The following COL15A1 variants were observed in gnomAD, a reference collection of about 807,000 sequenced individuals.
The protein encoded by COL15A1 is collagen type XV alpha 1 chain.
Under a neutral mutation model 165.9 loss-of-function variants are expected in COL15A1, and 111 were observed. That is an observed-to-expected ratio of 0.67 (90% CI 0.57 to 0.78). The LOEUF (loss-of-function observed/expected upper bound fraction) is 0.78. COL15A1 is among the 30% of genes least tolerant of loss of function. The pLI is 0.00. For missense variants in COL15A1, 1,745 were observed against 1,789.7 expected (o/e 0.98, Z 0.45); for synonymous variants, 659 against 674.8 (o/e 0.98, Z 0.36).
intron 6 of COL15A1, among the ~76,000 whole-genome samples, chr9:98,999,984 C>T (rs1427659938): frequency 1.3e-5 from 2 of 151,986 alleles, no homozygotes; most frequent in African/African-American, 4.8e-5. Flanking sequence ...GATTCTCCTG[C>T]CTTGGCCTCC....
At chr9:99,004,875 G>C in intron 8 of COL15A1, 23 bp from the exon 9 acceptor site, 1 of 1,613,928 alleles carries the variant, frequency 6.2e-7, no homozygotes, top group Non-Finnish European at 8.5e-7. Context: ...CACTGACGCG[G>C]TTCCTGTTGA....
intron 35 of COL15A1, 76 bp from the exon 36 acceptor site, chr9:99,059,813 C>G: frequency 1.3e-6 from 2 of 1,535,450 alleles, no homozygotes; most frequent in Non-Finnish European, 1.8e-6. Context: ...ACACTTCTCT[C>G]CGGGAGTCAG....
chr9:98,963,589 G>C (rs1435894565), intron 2 of COL15A1, among the ~76,000 whole-genome samples: 2 of 152,218 alleles, frequency 1.3e-5, no homozygotes, highest in Admixed American at 1.3e-4. Flanking sequence ...TGACAGTAGT[G>C]TGTGGTTAGA....
At chr9:99,038,521 G>C in intron 21 of COL15A1, 147 bp from the exon 22 acceptor site, 1 of 571,514 alleles carries the variant, frequency 1.7e-6, no homozygotes, top group South Asian at 2.7e-5. Flanking sequence ...GGGGGAGGGA[G>C]AGCTGTGTTT....
chr9:98,968,786 T>C (rs1185684392), intron 2 of COL15A1, among the ~76,000 whole-genome samples: 3 of 152,064 alleles, frequency 2.0e-5, no homozygotes, highest in Non-Finnish European at 2.9e-5. Context: ...GCCTGGCCTA[T>C]AGCTTCCTGC....
intron 6 of COL15A1, among the ~76,000 whole-genome samples, chr9:98,998,973 G>A (rs183835765): frequency 1.3e-5 from 2 of 152,314 alleles, no homozygotes; most frequent in East Asian, 3.9e-4. Context: ...CCCGTGGAAG[G>A]GGCCACCCCA....
At chr9:98,976,273 G>A (rs539370637) in intron 2 of COL15A1, among the ~76,000 whole-genome samples, 38 of 152,310 alleles carry the variant, frequency 2.5e-4, no homozygotes, top group African/African-American at 8.4e-4. Context: ...GAATAAGACC[G>A]GTCAGATGCA....
chr9:98,991,303 AATTGGTCCACTTTACAGAGAGCTG>A (rs1171448994), intron 5 of COL15A1, among the ~76,000 whole-genome samples: 3 of 152,064 alleles, frequency 2.0e-5, no homozygotes, highest in African/African-American at 7.2e-5. Context: ...ACAGAGAGCT[AATTGGTCCACTTTACAGAGAGCTG>A]ATTGGTCCGT....
intron 5 of COL15A1, among the ~76,000 whole-genome samples, chr9:98,991,226 C>G (rs77302694): frequency 0.015 from 2,276 of 149,248 alleles, 136 homozygotes; most frequent in East Asian, 0.1. Flanking sequence ...TGCCGCTGCT[C>G]ACTCAGGCAG....
intron 24 of COL15A1, 28 bp downstream of exon 24, chr9:99,042,135 G>C (rs537985040): frequency 6.5e-7 from 1 of 1,534,392 alleles, no homozygotes; most frequent in South Asian, 1.2e-5. Context: ...ATCTGAGTGA[G>C]ATTGGGCGCT....
chr9:98,994,575 C>T (rs970348585), intron 5 of COL15A1, among the ~76,000 whole-genome samples: 23 of 152,150 alleles, frequency 1.5e-4, no homozygotes. Flanking sequence ...GTCTGGGGAT[C>T]CTCCATCACC....
chr9:98,958,256 G>A (rs935249045), intron 2 of COL15A1, among the ~76,000 whole-genome samples: 30 of 152,234 alleles, frequency 2.0e-4, no homozygotes, highest in African/African-American at 6.5e-4. Flanking sequence ...TAAAAGCATC[G>A]TTAGCATGAA....
At chr9:98,965,832 G>A (rs187120480) in intron 2 of COL15A1, among the ~76,000 whole-genome samples, 1 of 152,090 alleles carries the variant, frequency 6.6e-6, no homozygotes, top group Admixed American at 6.5e-5. Flanking sequence ...CTGTATCTGG[G>A]CCCCGTGTTG....
At chr9:99,021,040 C>A (rs1014632586) in intron 12 of COL15A1, among the ~76,000 whole-genome samples, 6 of 152,220 alleles carry the variant, frequency 3.9e-5, no homozygotes, top group Admixed American at 3.9e-4. Flanking sequence ...ACCAAAACAC[C>A]TATTGGTGAT....
At chr9:99,056,856 G>A (rs1372804527) in intron 35 of COL15A1, among the ~76,000 whole-genome samples, 1 of 152,152 alleles carries the variant, frequency 6.6e-6, no homozygotes, top group Non-Finnish European at 1.5e-5. Context: ...GTGTTTTCAA[G>A]GTTCACCCAT....
In COL15A1 at chr9:99,069,799, G is replaced by C. The variant is rs145656693; in HGVS notation, c.4080G>C (p.Lys1360Asn). The stretch of plus-strand genomic sequence containing the variant: ...TTGCCTCCCCGCTGAGCACGGGGAA[G>C]ATTCTGGACCAGAAAGCATACAGCT... ...TGLASPLSTG[K>N]ILDQKAYSCA... The change falls in exon 42 of 42, where the codon AAG (lysine) becomes AAC (asparagine). Residue 1360 changes from lysine (K) to asparagine (N), a missense_variant. Transcript: ENST00000375001. The C allele has an allele frequency of 9.3e-6, 15 of 1,614,118 alleles. No individual in the cohort carries two copies. Among genetic ancestry groups the C allele is most frequent in the Admixed American group, 6.7e-5 (4 of 60,006 alleles).
chr9:98,960,726 G>A (rs1837851798), intron 2 of COL15A1, among the ~76,000 whole-genome samples: 2 of 152,148 alleles, frequency 1.3e-5, no homozygotes, highest in South Asian at 2.1e-4. Context: ...AACTATAAAC[G>A]AAATAACGCC....
At chr9:98,983,993 C>G (rs1427902582) in intron 2 of COL15A1, among the ~76,000 whole-genome samples, 1 of 152,142 alleles carries the variant, frequency 6.6e-6, no homozygotes, top group Non-Finnish European at 1.5e-5. Context: ...GGAGACAAAC[C>G]CGCCAAGTCC....
chr9:98,970,037 G>C, intron 2 of COL15A1, among the ~76,000 whole-genome samples: 1 of 124,792 alleles, frequency 8.0e-6, no homozygotes, highest in South Asian at 2.6e-4. Context: ...AAGAGCATTA[G>C]TAGTTTAAAA....
Sources: gnomAD v4.1 joint callset for allele counts (sites outside exome capture counted in the v4.1 genomes callset) on GRCh38, gnomAD v4.1.1 for gene constraint, MANE v1.5 for transcripts, NCBI Gene and HGNC (gene_info 2026-07-23, HGNC 2026-07-21) for gene names.